The following PIK3R3 variants were observed in gnomAD, a reference collection of about 807,000 sequenced individuals.
PIK3R3 encodes the protein phosphatidylinositol 3-kinase regulatory subunit gamma.
Under a neutral mutation model 62.9 loss-of-function variants are expected in PIK3R3, and 64 were observed. The observed-to-expected ratio is 1.02, with a 90% CI of 0.83 to 1.25. PIK3R3 has a LOEUF of 1.25. PIK3R3 is among the 50% of genes most tolerant of loss of function. The pLI, the probability that PIK3R3 is intolerant of heterozygous loss-of-function variation, is 0.00. For synonymous variants in PIK3R3, 165 were observed against 189.0 expected, an observed-to-expected ratio of 0.87 and a Z score of 1.04; for missense variants, 614 against 561.6, an observed-to-expected ratio of 1.09 and a Z score of -0.94.
intron 1 of PIK3R3, among the ~76,000 whole-genome samples, chr1:46,085,206 A>C (rs148899731): frequency 6.6e-6 from 1 of 152,226 alleles, no homozygotes; most frequent in African/African-American, 2.4e-5. Context: ...GAACACAATC[A>C]TAAGATCTGA....
chr1:46,168,831 C>T, the PIK3R3 span, among the ~76,000 whole-genome samples: 1 of 152,002 alleles, frequency 6.6e-6, no homozygotes, highest in Non-Finnish European at 1.5e-5. Flanking sequence ...AGTGAAGAAG[C>T]CCCCTTTACA....
At chr1:46,165,513 T>G in the PIK3R3 span, among the ~76,000 whole-genome samples, 1 of 151,204 alleles carries the variant, frequency 6.6e-6, no homozygotes, top group Non-Finnish European at 1.5e-5. Context: ...TCCATGTTGG[T>G]CAGGCTGGTC....
intron 1 of PIK3R3, among the ~76,000 whole-genome samples, chr1:46,088,129 G>C (rs1318210537): frequency 6.6e-6 from 1 of 152,190 alleles, no homozygotes; most frequent in East Asian, 1.9e-4. Context: ...TCATGCCTCT[G>C]ATCTCAACAT....
chr1:46,147,636 GTCTCGA>G, the PIK3R3 span, among the ~76,000 whole-genome samples: 10,235 of 151,688 alleles, frequency 0.067, 903 homozygotes, highest in African/African-American at 0.2. Context: ...AGCCGGGACG[GTCTCGA>G]TCTCGATCTC....
At chr1:46,100,398 C>T (rs1349337280) in intron 1 of PIK3R3, among the ~76,000 whole-genome samples, 1 of 152,178 alleles carries the variant, frequency 6.6e-6, no homozygotes, top group Non-Finnish European at 1.5e-5. Context: ...AGTCCATCAT[C>T]TCCTTACTCA....
chr1:46,045,212 T>C (rs924287007), intron 9 of PIK3R3, among the ~76,000 whole-genome samples: 6 of 152,208 alleles, frequency 3.9e-5, no homozygotes, highest in African/African-American at 1.4e-4. Flanking sequence ...TTAAGTAATT[T>C]ACCCAAAGTT....
chr1:46,089,736 G>T, intron 1 of PIK3R3, among the ~76,000 whole-genome samples: 1 of 151,308 alleles, frequency 6.6e-6, no homozygotes, highest in South Asian at 2.1e-4. Flanking sequence ...AAAAAGAAAG[G>T]ATGCAATTAT....
At chr1:46,120,430 A>C (rs1654563640) in intron 1 of PIK3R3, among the ~76,000 whole-genome samples, 1 of 152,128 alleles carries the variant, frequency 6.6e-6, no homozygotes, top group African/African-American at 2.4e-5. Flanking sequence ...AAAATTAGCC[A>C]GGCGTGGTGG....
chr1:46,111,403 G>C (rs1653729071), intron 1 of PIK3R3, among the ~76,000 whole-genome samples: 1 of 151,838 alleles, frequency 6.6e-6, no homozygotes, highest in African/African-American at 2.4e-5. Context: ...TCTTACCTCT[G>C]GGGGTAAGAA....
intron 1 of PIK3R3, among the ~76,000 whole-genome samples, chr1:46,114,861 C>A (rs1258092796): frequency 6.6e-6 from 1 of 151,234 alleles, no homozygotes; most frequent in African/African-American, 2.4e-5. Flanking sequence ...GTAATCCTCC[C>A]GCCTGGTCCT....
intron 3 of PIK3R3, among the ~76,000 whole-genome samples, chr1:46,068,894 T>C (rs1262591439): frequency 6.6e-6 from 1 of 152,204 alleles, no homozygotes; most frequent in African/African-American, 2.4e-5. Flanking sequence ...AATCATATAA[T>C]CTATCTTGTG....
chr1:46,143,221 C>T, the PIK3R3 span, among the ~76,000 whole-genome samples: 1 of 152,174 alleles, frequency 6.6e-6, no homozygotes, highest in Non-Finnish European at 1.5e-5. Context: ...GATCAGCTAG[C>T]TCCAAGATCA....
intron 3 of PIK3R3, among the ~76,000 whole-genome samples, chr1:46,076,346 G>T (rs533300378): frequency 6.6e-6 from 1 of 152,320 alleles, no homozygotes; most frequent in African/African-American, 2.4e-5. Context: ...AATCAGGAAA[G>T]TGTGACGTCT....
chr1:46,173,449 G>T, the PIK3R3 span, among the ~76,000 whole-genome samples: 1 of 152,196 alleles, frequency 6.6e-6, no homozygotes, highest in Non-Finnish European at 1.5e-5. Flanking sequence ...GACTGACACA[G>T]AGTTGCAGAT....
At position 46,046,070 on chromosome 1, in the gene PIK3R3, C is replaced by G. The variant is rs764859637; in HGVS notation, c.1035G>C (p.Glu345Asp). ...CATAATGGGGCAGGTTTTCATCTTC[C>G]TCATTGATAAAATAGTTCCTAAAAA... ...EDADENYFINEEDENLPHYDE... is the reference protein window; with the variant it reads ...EDADENYFINDEDENLPHYDE... The change falls in exon 9 of 10, where the codon GAG (glutamate) becomes GAC (aspartate). Residue 345 changes from glutamate (E) to aspartate (D), a missense_variant. Glu to Asp is a conservative substitution (Grantham distance 45). Coordinates refer to ENST00000262741, the MANE Select transcript of PIK3R3 (RefSeq NM_003629.4). 6.3e-6 allele frequency: 10 copies of G among 1,598,670 alleles called. No individual in the cohort carries two copies. Among genetic ancestry groups the G allele is most frequent in the Non-Finnish European group, 8.6e-6 (10 of 1,168,374 alleles).
chr1:46,139,836 C>A, the PIK3R3 span, among the ~76,000 whole-genome samples: 27 of 152,314 alleles, frequency 1.8e-4, no homozygotes, highest in African/African-American at 6.5e-4. Context: ...CCACTTGGAT[C>A]CTATCTTCTT....
the PIK3R3 span, among the ~76,000 whole-genome samples, chr1:46,144,251 T>G: frequency 6.6e-6 from 1 of 151,882 alleles, no homozygotes; most frequent in Non-Finnish European, 1.5e-5. Flanking sequence ...CAAGGAAGGA[T>G]GAAAGAAATG....
the PIK3R3 span, chr1:46,138,731 A>T: frequency 6.6e-6 from 1 of 152,262 alleles, no homozygotes; most frequent in Non-Finnish European, 1.5e-5. Context: ...AAATGGTGTG[A>T]CTTCTAGGGT....
At chr1:46,131,782 A>C in intron 1 of PIK3R3, 65 bp downstream of exon 1, 1 of 1,495,020 alleles carries the variant, frequency 6.7e-7, no homozygotes, top group Non-Finnish European at 9.3e-7. Flanking sequence ...TGAAAACATC[A>C]GCAAGCTCTT....
Sources: allele counts gnomAD v4.1 joint callset (sites outside exome capture counted in the v4.1 genomes callset), GRCh38; gene constraint gnomAD v4.1.1; transcripts MANE v1.5; gene names NCBI Gene and HGNC (gene_info 2026-07-23, HGNC 2026-07-21).